Variants in FAM193A observed in about 807,000 individuals in gnomAD.
FAM193A encodes protein FAM193A.
A neutral mutation model predicts 126.5 loss-of-function variants in FAM193A; 22 were observed. The observed-to-expected ratio is 0.17, with a 90% confidence interval of 0.12 to 0.25. The LOEUF is 0.25. Ranked by LOEUF, FAM193A falls within the 10% of genes least tolerant of loss-of-function variation. The probability of loss-of-function intolerance (pLI) is 1.00; values close to 1 mark genes in which losing one functional copy is unlikely to be tolerated. For missense variants in FAM193A, 1,675 were observed against 1,672.8 expected, an observed-to-expected ratio of 1.00 and a Z score of -0.02; for synonymous variants, 761 against 646.8, an observed-to-expected ratio of 1.18 and a Z score of -2.68.
intron 1 of FAM193A, among the ~76,000 whole-genome samples, chr4:2,578,573 G>A (rs1224443837): frequency 2.6e-5 from 4 of 152,032 alleles, no homozygotes; most frequent in African/African-American, 9.7e-5. Context: ...TCTAAGTACA[G>A]TTGACCCTTG....
At chr4:2,537,212 T>G in intron 1 of FAM193A, 42 bp downstream of exon 1, 1 of 198,356 alleles carries the variant, frequency 5.0e-6, no homozygotes, top group East Asian at 9.7e-5. Context: ...CGGTACGCGG[T>G]TGCCGTTCCC....
chr4:2,568,742 T>A (rs1739113925), intron 1 of FAM193A, among the ~76,000 whole-genome samples: 1 of 152,180 alleles, frequency 6.6e-6, no homozygotes, highest in African/African-American at 2.4e-5. Context: ...ATTTGGAGAA[T>A]AATAAATCTT....
intron 2 of FAM193A, among the ~76,000 whole-genome samples, chr4:2,609,015 C>T (rs955281636): frequency 2.6e-5 from 4 of 151,560 alleles, no homozygotes; most frequent in African/African-American, 4.9e-5. Context: ...CTCAGCCTCC[C>T]GAGTAGCTGG....
intron 19 of FAM193A, among the ~76,000 whole-genome samples, chr4:2,714,004 T>G (rs1004031167): frequency 3.3e-5 from 5 of 152,234 alleles, no homozygotes; most frequent in African/African-American, 1.2e-4. Context: ...ATAGACTGAT[T>G]ATTCTAGTTC....
At chr4:2,651,492 G>A (rs1200675653) in intron 7 of FAM193A, among the ~76,000 whole-genome samples, 1 of 152,154 alleles carries the variant, frequency 6.6e-6, no homozygotes. Flanking sequence ...CACAGTGGCA[G>A]GAGAGAGAGA....
chr4:2,704,888 G>A (rs983046793), intron 19 of FAM193A, among the ~76,000 whole-genome samples: 1 of 151,962 alleles, frequency 6.6e-6, no homozygotes, highest in Non-Finnish European at 1.5e-5. Context: ...CTAGGTTTTT[G>A]GTCTTTTCCC....
At chr4:2,618,519 CT>C (rs1742342016) in intron 2 of FAM193A, among the ~76,000 whole-genome samples, 2 of 151,302 alleles carry the variant, frequency 1.3e-5, no homozygotes, top group South Asian at 4.2e-4. Context: ...CCTCTGCCTC[CT>C]GGGTTCAAGT....
chr4:2,549,971 C>T (rs2108817467), intron 1 of FAM193A, among the ~76,000 whole-genome samples: 1 of 146,900 alleles, frequency 6.8e-6, no homozygotes, highest in East Asian at 2.1e-4. Context: ...TCGTGATCTG[C>T]CCTCCTTGGC....
intron 2 of FAM193A, among the ~76,000 whole-genome samples, chr4:2,597,946 C>T (rs1410667348): frequency 6.6e-6 from 1 of 152,060 alleles, no homozygotes; most frequent in Non-Finnish European, 1.5e-5. Flanking sequence ...GCTCTGTCAC[C>T]CAGGCTGGAG....
chr4:2,717,005 A>G (rs1719612801), intron 20 of FAM193A, among the ~76,000 whole-genome samples: 2 of 149,922 alleles, frequency 1.3e-5, no homozygotes, highest in East Asian at 4.0e-4. Context: ...ATTTTTTGAG[A>G]CAGAGTCTCT....
intron 1 of FAM193A, among the ~76,000 whole-genome samples, chr4:2,550,600 C>A (rs1044616073): frequency 2.7e-5 from 4 of 149,406 alleles, no homozygotes; most frequent in East Asian, 2.0e-4. Context: ...CCACACCCAG[C>A]TAATTTTGTA....
rs759892380 is a variant in FAM193A, at chr4:2,700,357, TAATAAC to T, written c.4194_4199del (p.Asn1398_Asn1399del). 12 of 1,613,624 alleles carry T rather than the reference TAATAAC, an allele frequency of 7.4e-6. No homozygotes were observed. The highest frequency in any genetic ancestry group is 2.7e-5 in the African/African-American group (2 of 74,760). ...AAAGAGAGGAGAGAAAAGTCAACAG[TAATAAC>T]AATAACAAAAAGCAGCTGAACCACA... is the stretch of plus-strand genomic sequence containing the variant. On this transcript the variant is annotated inframe_deletion, in exon 19 of 21. Coordinates refer to ENST00000637812, the MANE Select transcript of FAM193A (RefSeq NM_001366318.2).
chr4:2,546,473 T>C (rs1276554873), intron 1 of FAM193A, among the ~76,000 whole-genome samples: 1 of 152,328 alleles, frequency 6.6e-6, no homozygotes, highest in South Asian at 2.1e-4. Flanking sequence ...TTGGTATGAT[T>C]TTATCTTTTG....
At chr4:2,567,596 A>G (rs370462889) in intron 1 of FAM193A, among the ~76,000 whole-genome samples, 3 of 152,172 alleles carry the variant, frequency 2.0e-5, no homozygotes, top group Non-Finnish European at 2.9e-5. Context: ...ATGTGAGAAG[A>G]TGATTTTATT....
chr4:2,641,946 A>G (rs1296937858), intron 6 of FAM193A, among the ~76,000 whole-genome samples: 13 of 150,242 alleles, frequency 8.7e-5, no homozygotes. Context: ...TTAAAAAAGA[A>G]AAAAAAAGGG....
At chr4:2,550,360 C>T (rs3950710) in intron 1 of FAM193A, among the ~76,000 whole-genome samples, 10,028 of 149,070 alleles carry the variant, frequency 0.067, 590 homozygotes, top group African/African-American at 0.15. Context: ...CTGTTTAAGT[C>T]GTAGGTGACA....
chr4:2,702,216 T>C (rs1017490823), intron 19 of FAM193A, among the ~76,000 whole-genome samples: 1 of 152,264 alleles, frequency 6.6e-6, no homozygotes, highest in Non-Finnish European at 1.5e-5. Context: ...ATGCTATAGA[T>C]GAGAATCTTT....
chr4:2,722,499 C>G (rs1364008933), intron 20 of FAM193A, among the ~76,000 whole-genome samples: 2 of 152,140 alleles, frequency 1.3e-5, no homozygotes, highest in Non-Finnish European at 2.9e-5. Context: ...GGCTGGGGGA[C>G]AGGGTCACAC....
intron 19 of FAM193A, among the ~76,000 whole-genome samples, chr4:2,700,852 T>C (rs1442173981): frequency 1.3e-5 from 2 of 152,198 alleles, no homozygotes; most frequent in East Asian, 3.9e-4. Flanking sequence ...TAATCCTAGC[T>C]ACTCGGGGAG....
Sources: allele counts gnomAD v4.1 joint callset (sites outside exome capture counted in the v4.1 genomes callset), GRCh38; gene constraint gnomAD v4.1.1; transcripts MANE v1.5; gene names NCBI Gene and HGNC (gene_info 2026-07-23, HGNC 2026-07-21).